The following GRID1 variants were observed in gnomAD, a reference collection of about 807,000 sequenced individuals.
GRID1 encodes glutamate receptor ionotropic, delta-1.
Under a neutral mutation model 98.0 loss-of-function variants are expected in GRID1, and 28 were observed. The observed-to-expected ratio is 0.29, with a 90% CI of 0.21 to 0.39. The LOEUF (loss-of-function observed/expected upper bound fraction) is 0.39, where lower values mean the gene tolerates loss of function less well. GRID1 is among the 10% of genes least tolerant of loss of function. The probability of loss-of-function intolerance (pLI) is 1.00; values close to 1 mark genes in which losing one functional copy is unlikely to be tolerated. For synonymous variants in GRID1, 553 were observed against 538.5 expected, an observed-to-expected ratio of 1.03 and a Z score of -0.37; for missense variants, 1,111 against 1,340.5, an observed-to-expected ratio of 0.83 and a Z score of 2.67.
intron 12 of GRID1, among the ~76,000 whole-genome samples, chr10:85,676,793 A>G (rs1377642499): frequency 6.6e-6 from 1 of 152,170 alleles, no homozygotes; most frequent in African/African-American, 2.4e-5. Flanking sequence ...GCACGTCAAC[A>G]TTTCTGTTCT....
At chr10:85,771,725 C>T (rs367920687) in intron 8 of GRID1, among the ~76,000 whole-genome samples, 2 of 152,082 alleles carry the variant, frequency 1.3e-5, no homozygotes, top group Admixed American at 6.6e-5. Context: ...GAGACAAAGG[C>T]GGCCATTACA....
Position 85,602,332 on chromosome 10 carries a change from G to A in GRID1, c.2971C>T (p.Pro991Ser), listed in dbSNP as rs956960545. 3.2e-6 allele frequency: 5 copies of A among 1,570,420 alleles called. No individual in the cohort carries two copies. Among genetic ancestry groups the A allele is most frequent in the Non-Finnish European group, 4.3e-6 (5 of 1,155,968 alleles). Reference sequence around the variant, plus strand: ...TCTGGAAGGACGCCTCCAGGCACGGGCTGGAAGGACATGGGGATGGGGGTC... The same window carrying A: ...TCTGGAAGGACGCCTCCAGGCACGGACTGGAAGGACATGGGGATGGGGGTC... ...VKTPIPMSFQ[P>S]VPGGVLPEAL... Residue 991 changes from proline to serine, a missense_variant, in exon 16 of 16, where the codon CCC becomes TCC. By Grantham distance (74) the Pro-to-Ser change is moderately conservative (BLOSUM62 -1). Coordinates refer to ENST00000327946, the MANE Select transcript of GRID1 (RefSeq NM_017551.3).
intron 4 of GRID1, among the ~76,000 whole-genome samples, chr10:86,102,504 G>T (rs1844310797): frequency 6.6e-6 from 1 of 152,260 alleles, no homozygotes; most frequent in African/African-American, 2.4e-5. Flanking sequence ...CTCATTGACA[G>T]GGAAAACTGG....
intron 4 of GRID1, among the ~76,000 whole-genome samples, chr10:86,123,826 C>T (rs1176973978): frequency 6.6e-6 from 1 of 152,228 alleles, no homozygotes; most frequent in East Asian, 1.9e-4. Flanking sequence ...AGGCTGATTG[C>T]TTGCTCCTCA....
intron 2 of GRID1, among the ~76,000 whole-genome samples, chr10:86,253,701 C>A (rs2132050689): frequency 6.6e-6 from 1 of 152,288 alleles, no homozygotes; most frequent in Admixed American, 6.5e-5. Flanking sequence ...CACGAGGGAA[C>A]TTGGGAGCTG....
intron 4 of GRID1, among the ~76,000 whole-genome samples, chr10:86,131,212 C>T (rs1810787018): frequency 6.6e-6 from 1 of 152,126 alleles, no homozygotes; most frequent in African/African-American, 2.4e-5. Context: ...TTACAGCTTC[C>T]CCGCTGAGCT....
intron 4 of GRID1, among the ~76,000 whole-genome samples, chr10:85,993,841 C>T (rs1209822923): frequency 3.3e-5 from 5 of 152,116 alleles, no homozygotes; most frequent in Non-Finnish European, 7.3e-5. Flanking sequence ...TAATGAGACT[C>T]GCCCAAAATC....
intron 8 of GRID1, among the ~76,000 whole-genome samples, chr10:85,809,958 G>A (rs1405918373): frequency 6.6e-6 from 1 of 152,174 alleles, no homozygotes; most frequent in Admixed American, 6.5e-5. Flanking sequence ...GAATTCACAT[G>A]GCTGCTTTTC....
At chr10:85,791,941 T>A (rs112734975) in intron 8 of GRID1, among the ~76,000 whole-genome samples, 2 of 151,978 alleles carry the variant, frequency 1.3e-5, no homozygotes, top group Non-Finnish European at 2.9e-5. Flanking sequence ...ATGGGGAAGA[T>A]GCAGTGTCAG....
At chr10:86,106,812 G>A (rs1844394693) in intron 4 of GRID1, among the ~76,000 whole-genome samples, 1 of 152,156 alleles carries the variant, frequency 6.6e-6, no homozygotes, top group Admixed American at 6.5e-5. Context: ...GGAATGGGCA[G>A]GCTCCAGGAT....
intron 2 of GRID1, among the ~76,000 whole-genome samples, chr10:86,221,538 G>C (rs1185790480): frequency 6.6e-6 from 1 of 152,188 alleles, no homozygotes; most frequent in Non-Finnish European, 1.5e-5. Context: ...CAGGTGGAGT[G>C]GGGGTGGACA....
chr10:85,635,782 G>A (rs994608308), intron 13 of GRID1, among the ~76,000 whole-genome samples: 11 of 152,212 alleles, frequency 7.2e-5, no homozygotes, highest in Non-Finnish European at 1.3e-4. Flanking sequence ...CTCAGGAGAC[G>A]TTAATGCTTC....
intron 2 of GRID1, among the ~76,000 whole-genome samples, chr10:86,346,314 T>C (rs1472020514): frequency 6.6e-6 from 1 of 152,236 alleles, no homozygotes; most frequent in African/African-American, 2.4e-5. Context: ...AAATTAATAA[T>C]TTTAAAGTAA....
intron 2 of GRID1, among the ~76,000 whole-genome samples, chr10:86,259,326 C>CCT (rs147096411): frequency 6.0e-4 from 91 of 151,698 alleles, no homozygotes; most frequent in Non-Finnish European, 1.1e-3. Context: ...TCTCTCTCTA[C>CCT]CTCTCTCTCT....
At chr10:86,095,763 G>A (rs1458469504) in intron 4 of GRID1, among the ~76,000 whole-genome samples, 1 of 152,194 alleles carries the variant, frequency 6.6e-6, no homozygotes, top group African/African-American at 2.4e-5. Context: ...CACTGCTGGT[G>A]GGAATGTAAA....
At chr10:85,933,305 A>C (rs1054481529) in intron 4 of GRID1, among the ~76,000 whole-genome samples, 7 of 136,160 alleles carry the variant, frequency 5.1e-5, no homozygotes, top group Non-Finnish European at 9.9e-5. Flanking sequence ...AAAAAAAAAA[A>C]AAAAAAACTT....
chr10:85,848,862 C>A (rs935963556), intron 8 of GRID1, among the ~76,000 whole-genome samples: 2 of 152,154 alleles, frequency 1.3e-5, no homozygotes, highest in Non-Finnish European at 2.9e-5. Context: ...GGGTTCAGAA[C>A]GGTTGACATT....
intron 3 of GRID1, among the ~76,000 whole-genome samples, chr10:86,200,397 G>A (rs1195876746): frequency 6.6e-6 from 1 of 152,182 alleles, no homozygotes; most frequent in Non-Finnish European, 1.5e-5. Context: ...ATGGCAAAGT[G>A]GAGCAGTGTC....
intron 4 of GRID1, among the ~76,000 whole-genome samples, chr10:86,078,807 AATCCCTGGG>A (rs1843923319): frequency 6.6e-6 from 1 of 152,162 alleles, no homozygotes; most frequent in Non-Finnish European, 1.5e-5. Context: ...CTTGCAGCTA[AATCCCTGGG>A]ACTGTGTTTG....
Sources: allele counts gnomAD v4.1 joint callset (sites outside exome capture counted in the v4.1 genomes callset), GRCh38; gene constraint gnomAD v4.1.1; transcripts MANE v1.5; gene names NCBI Gene and HGNC (gene_info 2026-07-23, HGNC 2026-07-21).